The following TRIM39 variants were observed in gnomAD, a reference collection of about 807,000 sequenced individuals.
TRIM39 encodes the protein E3 ubiquitin-protein ligase TRIM39.
Under a neutral mutation model 53.6 loss-of-function variants are expected in TRIM39, and 5 were observed. That is an observed-to-expected ratio of 0.09 (90% confidence interval 0.05 to 0.20). The LOEUF is 0.20. Ranked by LOEUF, TRIM39 falls within the 10% of genes least tolerant of loss-of-function variation. The probability of loss-of-function intolerance (pLI) is 1.00; values close to 1 mark genes in which losing one functional copy is unlikely to be tolerated. For synonymous variants in TRIM39, 196 were observed against 237.6 expected, an observed-to-expected ratio of 0.82 and a Z score of 1.61; for missense variants, 310 against 621.0, an observed-to-expected ratio of 0.50 and a Z score of 5.32.
At chr6:30,329,430 A>G in exon 3 of TRIM39, 1 of 1,613,028 alleles carries the variant, frequency 6.2e-7, no homozygotes. Flanking sequence ...TATCTGAAGG[A>G]ACCTGTCATC....
Position 30,341,560 on chromosome 6 carries a change from G to A in TRIM39, c.920-152G>A, listed in dbSNP as rs190763129. On this transcript the variant is annotated intron_variant, in intron 7 of 7. Transcript: ENST00000396551. ...GCCATTGCTTTCTCCCCTTCCTTAG[G>A]TGACACCATGGATTGAGAAAGTTAA... The A allele has an allele frequency of 3.8e-3, 4,424 of 1,153,040 alleles. 13 individuals are homozygous for A. Among genetic ancestry groups the A allele is most frequent in the Non-Finnish European group, 4.2e-3 (3,354 of 802,462 alleles). The allele number at this position is 1,153,040 out of a possible 1,614,324, so 71.4% of individuals were successfully genotyped here.
rs1430041608 is a variant in TRIM39, at chr6:30,339,230, C to T, written c.781-678C>T. Among the ~76,000 whole-genome samples the T allele has an allele frequency of 6.6e-6, 1 of 151,842 alleles. No homozygotes were observed. Among genetic ancestry groups the T allele is most frequent in the Non-Finnish European group, 1.5e-5 (1 of 67,986 alleles). On this transcript the variant is annotated intron_variant, in intron 5 of 7. Transcript: ENST00000396551. The surrounding 1 kb of genome is among the most constrained non-coding windows in gnomAD (Gnocchi z 4.2). ...AGTGCATGATCTCGGCTCACTGCAACCTTTGCCTCCTGTGTTCAAGCGATT... is the reference window on the plus strand; with the variant it reads ...AGTGCATGATCTCGGCTCACTGCAATCTTTGCCTCCTGTGTTCAAGCGATT...
At chr6:30,343,715 G>A (rs759905401) in exon 8 of TRIM39, 1 of 152,658 alleles carries the variant, frequency 6.6e-6, no homozygotes, top group Non-Finnish European at 1.5e-5. Context: ...TGGAACAAAG[G>A]ATCCACTGAA....
intron 6 of TRIM39, 159 bp from the exon 7 acceptor site, chr6:30,340,346 T>C (rs1207987028): frequency 6.2e-7 from 1 of 1,612,980 alleles, no homozygotes; most frequent in East Asian, 2.2e-5. Flanking sequence ...CTTGGATTAG[T>C]AAAAGAAATC....
chr6:30,334,228 A>T (rs1185545737), intron 4 of TRIM39, among the ~76,000 whole-genome samples: 1 of 152,140 alleles, frequency 6.6e-6, no homozygotes, highest in Non-Finnish European at 1.5e-5. Context: ...CCTGCCTTTC[A>T]TTCCCTATCC....
chr6:30,341,595 G>T, intron 7 of TRIM39, 117 bp from the exon 8 acceptor site: 13 of 1,440,734 alleles, frequency 9.0e-6, no homozygotes, highest in Non-Finnish European at 1.2e-5. Context: ...ACCAAACCAG[G>T]TTGTTCTGGG....
chr6:30,341,222 AG>A (rs1274118927), intron 7 of TRIM39, among the ~76,000 whole-genome samples: 18 of 150,024 alleles, frequency 1.2e-4, no homozygotes, highest in Non-Finnish European at 1.5e-4. Context: ...AAAAAAAAAA[AG>A]AAAGAAACTG....
At chr6:30,330,193 C>G (rs1176759675) in intron 3 of TRIM39, among the ~76,000 whole-genome samples, 1 of 152,194 alleles carries the variant, frequency 6.6e-6, no homozygotes, top group Non-Finnish European at 1.5e-5. Flanking sequence ...CCGGACTAAG[C>G]TGAACCATTC....
At chr6:30,341,788 G>A in exon 8 of TRIM39, 1 of 1,612,934 alleles carries the variant, frequency 6.2e-7, no homozygotes, top group South Asian at 1.1e-5. Flanking sequence ...TCAAGTTCGT[G>A]GAGACAAGAC....
In TRIM39 at chr6:30,331,022, C is replaced by G; in HGVS notation, c.549+146C>G. 13 of 996,180 alleles carry G rather than the reference C, an allele frequency of 1.3e-5. No individual in the cohort carries two copies. In the South Asian group the frequency reaches 2.0e-4, roughly 15 times the overall value. 61.7% of individuals were successfully genotyped at this position (996,180 alleles called of 1,614,324 possible). ...TGGTGGCTCACACCTGTAATCCCAG[C>G]AATTCTGGAGGCCAAGGTGGGCAGA... On this transcript the variant is annotated intron_variant, in intron 4 of 7. Coordinates refer to ENST00000396551, the Ensembl canonical transcript of TRIM39.
At chr6:30,341,842 T>G in exon 8 of TRIM39, 2 of 1,612,986 alleles carry the variant, frequency 1.2e-6, no homozygotes, top group Non-Finnish European at 1.7e-6. Flanking sequence ...CCTTCTACCC[T>G]TGCGTCCTGG....
At position 30,335,724 on chromosome 6, in the gene TRIM39, A is replaced by G. The variant is rs1388545994; in HGVS notation, c.550-21A>G. The G allele has an allele frequency of 1.2e-6, 2 of 1,610,634 alleles. No homozygotes were observed. On this transcript the variant is annotated intron_variant, in intron 4 of 7. Coordinates refer to ENST00000396551, the Ensembl canonical transcript of TRIM39. The surrounding 1 kb of genome is among the most constrained non-coding windows in gnomAD (Gnocchi z 4.7). Reference sequence around the variant, plus strand: ...ATACCACACTGACCCTGCTGATACAACATCTTCCCTCTCTTCTCAGAGACT... The same window carrying G: ...ATACCACACTGACCCTGCTGATACAGCATCTTCCCTCTCTTCTCAGAGACT...
chr6:30,340,604 C>G, exon 7 of TRIM39: 1 of 1,612,160 alleles, frequency 6.2e-7, no homozygotes, highest in Non-Finnish European at 8.5e-7. Flanking sequence ...TAAGGAAAAT[C>G]CTTAAACAGC....
intron 4 of TRIM39, among the ~76,000 whole-genome samples, chr6:30,333,337 T>C (rs910185481): frequency 1.3e-5 from 2 of 151,078 alleles, no homozygotes; most frequent in Admixed American, 1.3e-4. Context: ...CCCAGGCCTA[T>C]GTTTTTGTTT....
Position 30,342,213 on chromosome 6 carries a change from A to G in TRIM39, c.1421A>G (p.Lys474Arg). ...TACCCAGGCATCCGGGCTGGACGGA[A>G]GAATGCTGCACCACTTACCATCAGG... Residue 474 changes from lysine to arginine, a missense_variant, in exon 8 of 8, where the codon AAG becomes AGG. Coordinates refer to ENST00000396551, the Ensembl canonical transcript of TRIM39. The surrounding 1 kb of genome is among the most constrained non-coding windows in gnomAD (Gnocchi z 4.7). 6.2e-7 allele frequency: 1 copy of G among 1,613,060 alleles called. No homozygotes were observed.
At chr6:30,334,024 TTTA>T (rs1786553415) in intron 4 of TRIM39, among the ~76,000 whole-genome samples, 1 of 152,158 alleles carries the variant, frequency 6.6e-6, no homozygotes, top group African/African-American at 2.4e-5. Context: ...AAGGCTGTGT[TTTA>T]TTGAGGGCAA....
chr6:30,340,033 G>T (rs749159502), intron 6 of TRIM39, 103 bp downstream of exon 6: 115 of 1,555,770 alleles, frequency 7.4e-5, no homozygotes, highest in Non-Finnish European at 9.5e-5. Context: ...AAGTCATGTA[G>T]TGTGTCTGGG....
Position 30,340,141 on chromosome 6 carries a change from T to G in TRIM39, c.803+211T>G. 4 of 1,077,734 alleles carry G rather than the reference T, an allele frequency of 3.7e-6. No homozygotes were observed. The South Asian group carries it at 5.3e-5, about 14-fold the overall frequency. 66.8% of individuals were successfully genotyped at this position (1,077,734 alleles called of 1,614,324 possible). ...TTTCCCCTTTGAACATCAGGACTTC[T>G]TGAGAAGGAGAATGATAAGGTAGAA... On this transcript the variant is annotated intron_variant, in intron 6 of 7. Transcript: ENST00000396551.
chr6:30,343,499 A>T (rs747812732), exon 8 of TRIM39: 2 of 152,680 alleles, frequency 1.3e-5, no homozygotes, highest in Non-Finnish European at 2.9e-5. Flanking sequence ...AAAGTGATGC[A>T]TGCCAAACCA....
Sources: allele counts gnomAD v4.1 joint callset (sites outside exome capture counted in the v4.1 genomes callset), GRCh38; gene constraint gnomAD v4.1.1; non-coding constraint Gnocchi (gnomAD v3.1); transcripts MANE v1.5; gene names NCBI Gene and HGNC (gene_info 2026-07-23, HGNC 2026-07-21).